The following PPP2R2B variants were observed in gnomAD, a reference collection of about 807,000 sequenced individuals.
PPP2R2B encodes the protein serine/threonine-protein phosphatase 2A 55 kDa regulatory subunit B beta isoform.
PPP2R2B carries 5 observed loss-of-function variants against 46.0 expected under a neutral mutation model. The observed-to-expected ratio is 0.11, with a 90% CI of 0.06 to 0.23. PPP2R2B has a LOEUF of 0.23. Ranked by LOEUF, PPP2R2B falls within the 10% of genes least tolerant of loss-of-function variation. PPP2R2B has a pLI of 1.00. For synonymous variants in PPP2R2B, 215 were observed against 206.7 expected, an observed-to-expected ratio of 1.04 and a Z score of -0.34; for missense variants, 367 against 575.0, an observed-to-expected ratio of 0.64 and a Z score of 3.70.
chr5:146,592,530 T>C (rs10515574), intron 9 of PPP2R2B, among the ~76,000 whole-genome samples: 13,650 of 152,266 alleles, frequency 0.09, 1,346 homozygotes, highest in African/African-American at 0.25. Flanking sequence ...TAAATGAGGT[T>C]GACTAGAATT....
chr5:146,998,222 TGA>T (rs1395377538), intron 1 of PPP2R2B, among the ~76,000 whole-genome samples: 5 of 152,368 alleles, frequency 3.3e-5, no homozygotes, highest in Admixed American at 2.6e-4. Context: ...CTCTAAAAAC[TGA>T]GAGTGAAGAG....
At chr5:146,654,210 C>T (rs1168577535) in intron 5 of PPP2R2B, among the ~76,000 whole-genome samples, 1 of 152,164 alleles carries the variant, frequency 6.6e-6, no homozygotes, top group Non-Finnish European at 1.5e-5. Context: ...TCTCCTCCAG[C>T]GCCCTCAGTA....
intron 7 of PPP2R2B, among the ~76,000 whole-genome samples, chr5:146,601,424 C>G (rs1771777200): frequency 6.6e-6 from 1 of 152,106 alleles, no homozygotes; most frequent in African/African-American, 2.4e-5. Flanking sequence ...TAGGAAGATT[C>G]TATTGCTATA....
At chr5:146,751,434 G>A (rs536315189) in intron 2 of PPP2R2B, 7 of 152,346 alleles carry the variant, frequency 4.6e-5, no homozygotes, top group African/African-American at 1.7e-4. Flanking sequence ...AAGGACCTAT[G>A]TGGTCTGGCC....
chr5:146,745,637 T>C (rs1753142646), intron 2 of PPP2R2B, among the ~76,000 whole-genome samples: 1 of 152,036 alleles, frequency 6.6e-6, no homozygotes, highest in African/African-American at 2.4e-5. Flanking sequence ...GAAGAGAAAA[T>C]GAGGTAAAGA....
At chr5:146,871,785 A>T (rs1761629302) in intron 2 of PPP2R2B, among the ~76,000 whole-genome samples, 1 of 152,208 alleles carries the variant, frequency 6.6e-6, no homozygotes, top group Non-Finnish European at 1.5e-5. Context: ...ATGAGCTCTA[A>T]TCTGGTTATG....
intron 2 of PPP2R2B, among the ~76,000 whole-genome samples, chr5:146,703,236 T>C (rs1581912874): frequency 1.3e-5 from 2 of 152,320 alleles, no homozygotes; most frequent in African/African-American, 4.8e-5. Context: ...GGCATGTCTA[T>C]TGCTTTTCAC....
chr5:146,920,062 A>G (rs1052230158), intron 1 of PPP2R2B, among the ~76,000 whole-genome samples: 2 of 152,192 alleles, frequency 1.3e-5, no homozygotes, highest in Non-Finnish European at 2.9e-5. Flanking sequence ...AGAAGTGAGA[A>G]AACAAAGGTA....
At chr5:146,783,789 C>T (rs539539017) in intron 2 of PPP2R2B, among the ~76,000 whole-genome samples, 2 of 152,308 alleles carry the variant, frequency 1.3e-5, no homozygotes, top group South Asian at 4.1e-4. Context: ...GGACCTGAAT[C>T]ACTAAATATC....
At chr5:146,759,496 T>C (rs189155476) in intron 2 of PPP2R2B, among the ~76,000 whole-genome samples, 227 of 152,302 alleles carry the variant, frequency 1.5e-3, no homozygotes, top group Middle Eastern at 3.4e-3. Flanking sequence ...AGAATTCTGA[T>C]TGTTCTGTCC....
At chr5:146,741,543 C>G (rs754418694) in intron 2 of PPP2R2B, among the ~76,000 whole-genome samples, 1 of 152,148 alleles carries the variant, frequency 6.6e-6, no homozygotes, top group East Asian at 1.9e-4. Context: ...TCTCTCACCC[C>G]TCTACAGGGC....
chr5:146,859,043 G>T (rs1237673341), intron 2 of PPP2R2B, among the ~76,000 whole-genome samples: 3 of 152,150 alleles, frequency 2.0e-5, no homozygotes, highest in African/African-American at 7.2e-5. Context: ...ATTTCATCTA[G>T]TTGGGAGTTT....
chr5:146,832,390 T>G (rs964547681), intron 2 of PPP2R2B, among the ~76,000 whole-genome samples: 2 of 135,042 alleles, frequency 1.5e-5, no homozygotes, highest in Non-Finnish European at 3.1e-5. Flanking sequence ...TTTTTTTTTT[T>G]TTTTTTTTTT....
At chr5:147,036,694 T>C (rs1226286181) in intron 1 of PPP2R2B, among the ~76,000 whole-genome samples, 2 of 152,204 alleles carry the variant, frequency 1.3e-5, no homozygotes, top group Non-Finnish European at 2.9e-5. Context: ...TTTTGACTTT[T>C]TAATAATAGC....
At chr5:146,701,180 A>G in intron 2 of PPP2R2B, 38 bp from the exon 3 acceptor site, 1 of 1,465,842 alleles carries the variant, frequency 6.8e-7, no homozygotes, top group Non-Finnish European at 9.6e-7. Context: ...AAGTAACTGC[A>G]CACTTACTTT....
At chr5:146,706,494 A>G (rs1170431808) in intron 2 of PPP2R2B, 1 of 1,197,768 alleles carries the variant, frequency 8.3e-7, no homozygotes, top group South Asian at 1.2e-5. Flanking sequence ...CTTGATGTTC[A>G]TCAGCTTCTG....
intron 2 of PPP2R2B, among the ~76,000 whole-genome samples, chr5:146,756,848 T>C: frequency 6.6e-6 from 1 of 152,320 alleles, no homozygotes; most frequent in African/African-American, 2.4e-5. Flanking sequence ...ACATCCACCA[T>C]TCATTCAATT....
intron 1 of PPP2R2B, among the ~76,000 whole-genome samples, chr5:147,015,540 A>C (rs555327099): frequency 6.6e-6 from 1 of 151,506 alleles, no homozygotes; most frequent in African/African-American, 2.4e-5. Flanking sequence ...GCCTTCTCTG[A>C]TTCCTCCAGC....
chr5:146,946,686 C>G (rs779558961), intron 1 of PPP2R2B, among the ~76,000 whole-genome samples: 15 of 151,970 alleles, frequency 9.9e-5, no homozygotes, highest in Non-Finnish European at 1.5e-4. Flanking sequence ...ATTTGCATTG[C>G]AAATTGAGAA....
Sources: allele counts gnomAD v4.1 joint callset (sites outside exome capture counted in the v4.1 genomes callset), GRCh38; gene constraint gnomAD v4.1.1; transcripts MANE v1.5; gene names NCBI Gene and HGNC (gene_info 2026-07-23, HGNC 2026-07-21).